DSCAM: variants seen among roughly 807,000 people sequenced by gnomAD.
DSCAM encodes cell adhesion molecule DSCAM.
A neutral mutation model predicts 217.7 loss-of-function variants in DSCAM; 47 were observed. The observed-to-expected ratio is 0.22, with a 90% CI of 0.17 to 0.28. The LOEUF is 0.28. Among genes scored for constraint, DSCAM ranks in the 10% least tolerant of loss-of-function variants. The pLI, the probability that DSCAM is intolerant of heterozygous loss-of-function variation, is 1.00. For missense variants in DSCAM, 2,080 were observed against 2,618.3 expected, an observed-to-expected ratio of 0.79 and a Z score of 4.49; for synonymous variants, 1,056 against 1,015.3, an observed-to-expected ratio of 1.04 and a Z score of -0.76.
intron 20 of DSCAM, among the ~76,000 whole-genome samples, chr21:40,103,382 G>A (rs1451759886): frequency 6.6e-6 from 1 of 152,048 alleles, no homozygotes; most frequent in Non-Finnish European, 1.5e-5. Flanking sequence ...TTAATTATAG[G>A]GTAAGGGAAC....
intron 9 of DSCAM, among the ~76,000 whole-genome samples, chr21:40,309,663 A>G (rs1053945902): frequency 6.6e-6 from 1 of 152,128 alleles, no homozygotes; most frequent in Non-Finnish European, 1.5e-5. Context: ...TTATTAGGCA[A>G]AGCATGATTC....
intron 11 of DSCAM, among the ~76,000 whole-genome samples, chr21:40,272,097 A>G (rs537694065): frequency 6.6e-6 from 1 of 151,526 alleles, no homozygotes; most frequent in East Asian, 1.9e-4. Context: ...TTTAACATAA[A>G]GTCATTCCCT....
rs536071493 is a variant in DSCAM, at chr21:40,323,585, T to TA, written c.1784-11227dup. Among the ~76,000 whole-genome samples the TA allele has an allele frequency of 4.6e-5, 7 of 152,014 alleles. No individual in the cohort carries two copies. The East Asian group carries it at 5.8e-4, about 13-fold the overall frequency. ...ATTTTAAAATTGTTGCTCACTAACT[T>TA]AAAAAAAATGCTGTGTTTGTTTTGT... On this transcript the variant is annotated intron_variant, in intron 8 of 32. Coordinates refer to ENST00000400454, the MANE Select transcript of DSCAM (RefSeq NM_001389.5).
At chr21:40,076,059 T>C (rs1452594286) in intron 26 of DSCAM, among the ~76,000 whole-genome samples, 1 of 152,122 alleles carries the variant, frequency 6.6e-6, no homozygotes, top group African/African-American at 2.4e-5. Flanking sequence ...GGCCAGAAAG[T>C]CAGCACTTCA....
intron 25 of DSCAM, among the ~76,000 whole-genome samples, chr21:40,079,243 T>C (rs1284915368): frequency 6.6e-6 from 1 of 152,156 alleles, no homozygotes; most frequent in Non-Finnish European, 1.5e-5. Flanking sequence ...TAAAGAACAA[T>C]AGGATGTTCA....
chr21:40,643,909 A>G (rs889568461), intron 3 of DSCAM, among the ~76,000 whole-genome samples: 1 of 152,176 alleles, frequency 6.6e-6, no homozygotes, highest in African/African-American at 2.4e-5. Context: ...TGTTTTTGTT[A>G]CCCAGTCTGT....
At chr21:40,058,463 G>A (rs1055630874) in intron 28 of DSCAM, among the ~76,000 whole-genome samples, 1 of 152,052 alleles carries the variant, frequency 6.6e-6, no homozygotes, top group African/African-American at 2.4e-5. Context: ...GCTCCACCAG[G>A]GTTTTCTTCA....
At chr21:40,375,125 A>G (rs184870524) in intron 3 of DSCAM, among the ~76,000 whole-genome samples, 3 of 152,326 alleles carry the variant, frequency 2.0e-5, no homozygotes, top group Admixed American at 2.0e-4. Flanking sequence ...CTTGTCCATC[A>G]TATTTTATCT....
chr21:40,686,405 ACACG>A (rs1354366595), intron 3 of DSCAM, among the ~76,000 whole-genome samples: 3 of 151,630 alleles, frequency 2.0e-5, no homozygotes, highest in Non-Finnish European at 1.5e-5. Context: ...TGCACCACAC[ACACG>A]TATGCACACA....
chr21:40,130,629 T>A (rs2837442), intron 19 of DSCAM, among the ~76,000 whole-genome samples: 21,867 of 152,038 alleles, frequency 0.14, 1,954 homozygotes, highest in African/African-American at 0.25. Flanking sequence ...GAGACTATAG[T>A]TATGGATAAG....
At chr21:40,118,580 C>T (rs879180163) in intron 20 of DSCAM, among the ~76,000 whole-genome samples, 1 of 152,118 alleles carries the variant, frequency 6.6e-6, no homozygotes, top group South Asian at 2.1e-4. Context: ...AGTGAAACTC[C>T]GTCTCAAAAC....
At chr21:40,566,052 G>GGTT (rs1407046022) in intron 3 of DSCAM, among the ~76,000 whole-genome samples, 9 of 152,162 alleles carry the variant, frequency 5.9e-5, no homozygotes. Context: ...GCCAAACTCT[G>GGTT]TAAACCCTCT....
intron 3 of DSCAM, among the ~76,000 whole-genome samples, chr21:40,505,662 G>A (rs2076204500): frequency 6.6e-6 from 1 of 152,208 alleles, no homozygotes; most frequent in African/African-American, 2.4e-5. Flanking sequence ...TAAGAGAACA[G>A]GCTGTTGCTA....
intron 1 of DSCAM, among the ~76,000 whole-genome samples, chr21:40,808,149 T>C (rs1013923758): frequency 3.9e-5 from 6 of 152,216 alleles, no homozygotes; most frequent in Non-Finnish European, 4.4e-5. Context: ...CAAGTCTGAA[T>C]GACCATCCAG....
intron 3 of DSCAM, among the ~76,000 whole-genome samples, chr21:40,381,272 T>C (rs968100994): frequency 2.6e-5 from 4 of 151,754 alleles, no homozygotes; most frequent in African/African-American, 9.7e-5. Flanking sequence ...CTTTGGGGAA[T>C]TGAAAGTAGC....
chr21:40,479,749 G>A (rs2075966308), intron 3 of DSCAM, among the ~76,000 whole-genome samples: 1 of 152,104 alleles, frequency 6.6e-6, no homozygotes, highest in Admixed American at 6.5e-5. Flanking sequence ...GATTTGGGTG[G>A]GGACACAGCC....
chr21:40,276,935 T>C (rs978464123), intron 10 of DSCAM, among the ~76,000 whole-genome samples: 1 of 151,964 alleles, frequency 6.6e-6, no homozygotes, highest in African/African-American at 2.4e-5. Context: ...ATAATGAATG[T>C]GGTATGATTC....
At chr21:40,567,113 A>C (rs774306692) in intron 3 of DSCAM, among the ~76,000 whole-genome samples, 31 of 152,182 alleles carry the variant, frequency 2.0e-4, no homozygotes, top group Non-Finnish European at 2.9e-4. Flanking sequence ...TGTAAGTATA[A>C]AGACAAATAC....
At chr21:40,674,399 T>C (rs528581002) in intron 3 of DSCAM, among the ~76,000 whole-genome samples, 6 of 152,312 alleles carry the variant, frequency 3.9e-5, no homozygotes, top group African/African-American at 1.4e-4. Context: ...AAACATGTAA[T>C]CTGAAGTTTC....
Sources: allele counts gnomAD v4.1 joint callset (sites outside exome capture counted in the v4.1 genomes callset), GRCh38; gene constraint gnomAD v4.1.1; transcripts MANE v1.5; gene names NCBI Gene and HGNC (gene_info 2026-07-23, HGNC 2026-07-21).